Variants in GPHN observed in about 807,000 individuals in gnomAD.
The protein encoded by GPHN is gephyrin.
Under a neutral mutation model 95.5 loss-of-function variants are expected in GPHN, and 17 were observed. The ratio of observed to expected loss-of-function variants is 0.18; its 90% CI spans 0.12 to 0.27. GPHN has a LOEUF of 0.27. GPHN is among the 10% of genes least tolerant of loss of function. The pLI, the probability that GPHN is intolerant of heterozygous loss-of-function variation, is 1.00. For missense variants in GPHN, 660 were observed against 978.1 expected (o/e 0.67, Z 4.34); for synonymous variants, 320 against 322.5 (o/e 0.99, Z 0.08).
At chr14:67,435,900 A>G in the GPHN span, among the ~76,000 whole-genome samples, 1 of 152,192 alleles carries the variant, frequency 6.6e-6, no homozygotes, top group Non-Finnish European at 1.5e-5. Context: ...TGCATCAAAT[A>G]AGGGGGAAAA....
intron 1 of GPHN, among the ~76,000 whole-genome samples, chr14:66,584,840 T>A (rs2061353723): frequency 6.6e-6 from 1 of 152,222 alleles, no homozygotes; most frequent in Admixed American, 6.5e-5. Context: ...GATATTGGTC[T>A]GAAATTCTCT....
the GPHN span, among the ~76,000 whole-genome samples, chr14:67,408,334 TAAAATAAAATAAAATAAAATAAAAA>T: frequency 1.4e-5 from 2 of 143,630 alleles, no homozygotes; most frequent in African/African-American, 5.1e-5. Context: ...TAAAATAAAA[TAAAATAAAATAAAATAAAATAAAAA>T]AAGAAAAAAC....
chr14:67,724,109 G>GT, the GPHN span, among the ~76,000 whole-genome samples: 17,097 of 152,256 alleles, frequency 0.11, 1,348 homozygotes, highest in South Asian at 0.34. Flanking sequence ...TCATGCATAT[G>GT]TTTTGAATGT....
chr14:66,608,733 A>G (rs1422185463), intron 1 of GPHN, among the ~76,000 whole-genome samples: 1 of 152,200 alleles, frequency 6.6e-6, no homozygotes, highest in East Asian at 1.9e-4. Context: ...CTTTGCCACT[A>G]TGTAATACCC....
chr14:67,201,975 C>A, the GPHN span, among the ~76,000 whole-genome samples: 26 of 152,200 alleles, frequency 1.7e-4, no homozygotes, highest in Admixed American at 1.5e-3. Context: ...TGCCTGGAAA[C>A]CTCTCCTCTC....
At chr14:67,567,626 A>G in the GPHN span, among the ~76,000 whole-genome samples, 1 of 151,884 alleles carries the variant, frequency 6.6e-6, no homozygotes, top group Non-Finnish European at 1.5e-5. Flanking sequence ...CCGCCCCTCC[A>G]GTGATCTCAG....
At chr14:66,870,637 A>G (rs1490682971) in intron 4 of GPHN, among the ~76,000 whole-genome samples, 2 of 152,232 alleles carry the variant, frequency 1.3e-5, no homozygotes. Context: ...TTTTAAAAAT[A>G]TAAATGTGAA....
the GPHN span, among the ~76,000 whole-genome samples, chr14:67,262,133 C>T: frequency 6.6e-6 from 1 of 152,034 alleles, no homozygotes; most frequent in Non-Finnish European, 1.5e-5. Flanking sequence ...GACCTGTCTA[C>T]CTTTCAGGGC....
the GPHN span, among the ~76,000 whole-genome samples, chr14:67,244,298 A>G: frequency 2.0e-5 from 3 of 152,204 alleles, no homozygotes; most frequent in Admixed American, 6.5e-5. Flanking sequence ...ATAGGTTGAT[A>G]TGTGTTTTCA....
the GPHN span, among the ~76,000 whole-genome samples, chr14:67,192,914 ATATATATG>A: frequency 6.8e-6 from 1 of 146,608 alleles, no homozygotes; most frequent in Non-Finnish European, 1.5e-5. Context: ...ATATATATAG[ATATATATG>A]TATATATAGA....
the GPHN span, among the ~76,000 whole-genome samples, chr14:67,452,906 T>A: frequency 2.6e-5 from 4 of 152,292 alleles, no homozygotes; most frequent in East Asian, 7.7e-4. Context: ...ATCTGCTGGA[T>A]CCTGAAACCT....
chr14:67,149,343 T>G (rs2153709529), intron 18 of GPHN, among the ~76,000 whole-genome samples: 1 of 152,314 alleles, frequency 6.6e-6, no homozygotes, highest in Non-Finnish European at 1.5e-5. Flanking sequence ...AGACTCTGTC[T>G]CAAAAAAGAA....
At chr14:66,739,131 A>G (rs1217828779) in intron 2 of GPHN, among the ~76,000 whole-genome samples, 2 of 152,112 alleles carry the variant, frequency 1.3e-5, no homozygotes, top group Non-Finnish European at 2.9e-5. Flanking sequence ...CTGAGAAATT[A>G]TAACCAAAAA....
At chr14:67,070,715 A>AAAAAAAAAATATATATATATATATATAT in intron 11 of GPHN, among the ~76,000 whole-genome samples, 2 of 80,696 alleles carry the variant, frequency 2.5e-5, no homozygotes, top group Admixed American at 3.4e-4. Flanking sequence ...AAAAAAAAAA[A>AAAAAAAAAATATATATATATATATATAT]ATATATATAT....
intron 10 of GPHN, among the ~76,000 whole-genome samples, chr14:67,036,965 G>A (rs1165208672): frequency 1.3e-5 from 2 of 151,790 alleles, no homozygotes; most frequent in Non-Finnish European, 2.9e-5. Context: ...CAGAGGTCCT[G>A]GGACAACCAA....
At chr14:67,199,706 C>A in the GPHN span, 1 of 1,583,958 alleles carries the variant, frequency 6.3e-7, no homozygotes, top group East Asian at 2.2e-5. Flanking sequence ...AGATGCACCT[C>A]CTTCACCCTC....
At chr14:67,391,269 A>ATG in the GPHN span, among the ~76,000 whole-genome samples, 17,588 of 139,172 alleles carry the variant, frequency 0.13, 1,884 homozygotes, top group East Asian at 0.39. Context: ...TAAGCAGCTG[A>ATG]TATGTGTGTG....
the GPHN span, among the ~76,000 whole-genome samples, chr14:67,423,314 A>G: frequency 6.6e-6 from 1 of 152,222 alleles, no homozygotes; most frequent in Non-Finnish European, 1.5e-5. Flanking sequence ...TACTCATGAC[A>G]TAATTTTGTA....
At chr14:66,810,342 T>A (rs2060708318) in intron 3 of GPHN, among the ~76,000 whole-genome samples, 1 of 143,562 alleles carries the variant, frequency 7.0e-6, no homozygotes, top group Admixed American at 7.0e-5. Flanking sequence ...GTAAACTAAA[T>A]AATAAAACTG....
Sources: gnomAD v4.1 joint callset for allele counts (sites outside exome capture counted in the v4.1 genomes callset) on GRCh38, gnomAD v4.1.1 for gene constraint, MANE v1.5 for transcripts, NCBI Gene and HGNC (gene_info 2026-07-23, HGNC 2026-07-21) for gene names.